TPT1: variants seen among roughly 807,000 people sequenced by gnomAD.
TPT1 encodes the protein tumor protein, translationally-controlled 1, also known as translationally-controlled tumor protein.
A neutral mutation model predicts 22.8 loss-of-function variants in TPT1; 5 were observed. That is an observed-to-expected ratio of 0.22 (90% CI 0.11 to 0.46). The LOEUF (loss-of-function observed/expected upper bound fraction) is 0.46. TPT1 is among the 20% of genes least tolerant of loss of function. The pLI is 0.99. For missense variants in TPT1, 130 were observed against 218.7 expected (o/e 0.59, Z 2.56); for synonymous variants, 89 against 73.6 (o/e 1.21, Z -1.07).
rs961569036 is a variant in TPT1, at chr13:45,336,363, A to T, written c.*1023T>A. Reference sequence around the variant, plus strand: ...AGCTGCCACAATTAGACAGACGGAAAGCGCAAGGACATGTTCTTCTTGCAT... The same window carrying T: ...AGCTGCCACAATTAGACAGACGGAATGCGCAAGGACATGTTCTTCTTGCAT... On this transcript the variant is annotated 3_prime_UTR_variant, in exon 6 of 6. Transcript: ENST00000530705. The T allele has an allele frequency of 1.3e-5, 2 of 152,244 alleles. No homozygotes were observed. The highest frequency in any genetic ancestry group is 2.4e-5 in the African/African-American group (1 of 41,454). The allele number at this position is 152,244 out of a possible 1,614,324, so 9.4% of individuals were successfully genotyped here. A position where few individuals can be genotyped will look rare whatever the true frequency, so the allele number is the denominator to read the frequency against.
chr13:45,337,734 T>C (rs1009010023), intron 5 of TPT1: 20 of 634,038 alleles, frequency 3.2e-5, no homozygotes, highest in Admixed American at 3.0e-4. Context: ...AGTCATCTTA[T>C]ACTGTTCTAA....
At chr13:45,338,562 C>A (rs541733428) in intron 5 of TPT1, 98 bp downstream of exon 5, 1 of 1,507,258 alleles carries the variant, frequency 6.6e-7, no homozygotes. Flanking sequence ...TGTTTCAGAA[C>A]GCTGTAAAAC....
chr13:45,340,442 T>C (rs1055217302), intron 2 of TPT1: 12 of 737,920 alleles, frequency 1.6e-5, no homozygotes, highest in African/African-American at 5.2e-5. Context: ...GGTTGGTAAG[T>C]GGGGACAGGA....
chr13:45,338,495 G>C, intron 5 of TPT1, 165 bp downstream of exon 5: 4 of 1,356,032 alleles, frequency 2.9e-6, no homozygotes, highest in Non-Finnish European at 3.9e-6. Flanking sequence ...TATACCCTAA[G>C]AATTTTTTAC....
At chr13:45,338,371 C>T (rs976303179) in intron 5 of TPT1, 15 of 421,874 alleles carry the variant, frequency 3.6e-5, no homozygotes, top group Middle Eastern at 6.3e-4. Context: ...GCACCCACCT[C>T]GGCGTCCCAA....
intron 5 of TPT1, chr13:45,338,125 C>G (rs764333915): frequency 6.2e-6 from 1 of 160,264 alleles, no homozygotes; most frequent in Non-Finnish European, 1.4e-5. Flanking sequence ...CATTTAAACT[C>G]TACTGTATTT....
Position 45,338,727 on chromosome 13 carries a change from T to G in TPT1, c.449A>C (p.Asp150Ala). 2 of 1,605,410 alleles carry G rather than the reference T, an allele frequency of 1.2e-6. No individual in the cohort carries two copies. Among genetic ancestry groups the G allele is most frequent in the Non-Finnish European group, 1.7e-6 (2 of 1,177,988 alleles). ...MNPDGMVALL[D>A]YREDGVTPYM... ...TGGGGTCACACCATCCTCACGGTAG[T>G]CCAATAGAGCAACCATGCCATCTGG... Residue 150 changes from aspartate (D) to alanine (A), a missense_variant, in exon 5 of 6, where the codon GAC becomes GCC. By Grantham distance (126) the Asp-to-Ala change is moderately radical. Coordinates refer to ENST00000530705, the MANE Select transcript of TPT1 (RefSeq NM_003295.4).
intron 4 of TPT1, chr13:45,339,261 G>C (rs1254089936): frequency 2.4e-6 from 1 of 418,934 alleles, no homozygotes; most frequent in Admixed American, 4.1e-5. Context: ...AAAATTGTAA[G>C]CAAAAAACTG....
In TPT1 at chr13:45,338,892, A is replaced by G. The variant is rs976485154; in HGVS notation, c.400-116T>C. The G allele has an allele frequency of 1.1e-5, 9 of 809,332 alleles. No homozygotes were observed. The African/African-American group carries it at 1.2e-4, about 11-fold the overall frequency. 50.1% of individuals were successfully genotyped at this position (809,332 alleles called of 1,614,324 possible). ...CCACCACAAAAATCAAAACTTCAGT[A>G]CCCAAAAGCTCTGATGCTCACTTAT... On this transcript the variant is annotated intron_variant, in intron 4 of 5. Coordinates refer to ENST00000530705, the MANE Select transcript of TPT1 (RefSeq NM_003295.4).
Position 45,338,771 on chromosome 13 carries a change from A to G in TPT1, c.405T>C (p.Phe135=), listed in dbSNP as rs749186190. The G allele has an allele frequency of 7.6e-6, 12 of 1,585,266 alleles. No individual in the cohort carries two copies. Among genetic ancestry groups the G allele is most frequent in the Admixed American group, 5.9e-5 (3 of 50,546 alleles). Residue 135 remains phenylalanine (F), a synonymous_variant, in exon 5 of 6, where the codon TTT becomes TTC. Coordinates refer to ENST00000530705, the MANE Select transcript of TPT1 (RefSeq NM_003295.4). ...ILANFKNYQF[F]IGENMNPDGM... is the part of the protein sequence containing the mutation. ...CATCTGGATTCATGTTTTCACCAAT[A>G]AAGAACTTGGGAAGCAAACAAAATA... is the stretch of plus-strand genomic sequence containing the variant.
In TPT1 at chr13:45,339,652, T is replaced by A. The variant is rs753358784; in HGVS notation, c.294-50A>T. ...TTGAAGTATTGAATTTTCAGTAAAA[T>A]CAATTTTTAAAGTAAAAAATATCCA... On this transcript the variant is annotated intron_variant, in intron 3 of 5. Coordinates refer to ENST00000530705, the MANE Select transcript of TPT1 (RefSeq NM_003295.4). 5 of 1,505,094 alleles carry A rather than the reference T, an allele frequency of 3.3e-6. No individual in the cohort carries two copies. The African/African-American group carries it at 4.2e-5, about 13-fold the overall frequency. 93.2% of individuals were successfully genotyped at this position (1,505,094 alleles called of 1,614,324 possible).
At position 45,336,823 on chromosome 13, in the gene TPT1, CA is replaced by C. The variant is rs1878733719; in HGVS notation, c.*562del. ...CAGGGAGTTTAATTAACATTCATCC[CA>C]AAAGACTTCGCTCTCTTTATGTGAA... is the stretch of plus-strand genomic sequence containing the variant. On this transcript the variant is annotated 3_prime_UTR_variant, in exon 6 of 6. Transcript: ENST00000530705. 6.5e-6 allele frequency: 1 copy of C among 153,738 alleles called. No homozygotes were observed. Among genetic ancestry groups the C allele is most frequent in the Non-Finnish European group, 1.4e-5 (1 of 69,250 alleles). 9.5% of individuals were successfully genotyped at this position (153,738 alleles called of 1,614,324 possible).
Position 45,337,287 on chromosome 13 carries a change from A to T in TPT1, c.*99T>A. On this transcript the variant is annotated 3_prime_UTR_variant, in exon 6 of 6. Coordinates refer to ENST00000530705, the MANE Select transcript of TPT1 (RefSeq NM_003295.4). ...CAAAATAAATGAAGAGCTCAAGATGACATCAGTCCCATTTGTCTTAAGTCC... is the reference window on the plus strand; with the variant it reads ...CAAAATAAATGAAGAGCTCAAGATGTCATCAGTCCCATTTGTCTTAAGTCC... 2 of 1,129,388 alleles carry T rather than the reference A, an allele frequency of 1.8e-6. No homozygotes were observed. Among genetic ancestry groups the T allele is most frequent in the Non-Finnish European group, 2.7e-6 (2 of 752,240 alleles). The allele number at this position is 1,129,388 out of a possible 1,614,324, so 70.0% of individuals were successfully genotyped here. A position where few individuals can be genotyped will look rare whatever the true frequency, so the allele number is the denominator to read the frequency against.
intron 2 of TPT1, 181 bp downstream of exon 2, chr13:45,340,531 G>A: frequency 1.2e-6 from 1 of 825,612 alleles, no homozygotes; most frequent in Non-Finnish European, 2.0e-6. Context: ...GGGCGCCGAG[G>A]CGGCGGGCCT....
intron 4 of TPT1, 83 bp from the exon 5 acceptor site, chr13:45,338,859 G>A (rs952170005): frequency 5.9e-6 from 7 of 1,177,790 alleles, no homozygotes; most frequent in Non-Finnish European, 7.1e-6. Context: ...TACAAGGGAA[G>A]GTTTAGACCA....
Position 45,340,194 on chromosome 13 carries a change from G to C in TPT1, c.103-10C>G, listed in dbSNP as rs1555278697. The C allele has an allele frequency of 1.2e-6, 2 of 1,602,868 alleles. No individual in the cohort carries two copies. The highest frequency in any genetic ancestry group is 8.5e-7 in the Non-Finnish European group (1 of 1,173,926). On this transcript the variant is annotated splice_polypyrimidine_tract_variant and intron_variant, in intron 2 of 5. Coordinates refer to ENST00000530705, the MANE Select transcript of TPT1 (RefSeq NM_003295.4). Reference sequence around the variant, plus strand: ...CTGTCCTACTGACCATCTGCATTAAGAAAAAGCAGTATAATTGCAAAAGAC... The same window carrying C: ...CTGTCCTACTGACCATCTGCATTAACAAAAAGCAGTATAATTGCAAAAGAC...
intron 4 of TPT1, chr13:45,338,977 G>C (rs1045798589): frequency 2.1e-6 from 1 of 477,024 alleles, no homozygotes; most frequent in South Asian, 3.9e-5. Flanking sequence ...GAAAAATAAC[G>C]TACAGAGCAA....
At chr13:45,339,888 G>C in intron 3 of TPT1, 106 bp downstream of exon 3, 1 of 1,281,374 alleles carries the variant, frequency 7.8e-7, no homozygotes, top group African/African-American at 1.5e-5. Flanking sequence ...AAAAAAGCAA[G>C]GACTTTCACA....
intron 3 of TPT1, 139 bp from the exon 4 acceptor site, chr13:45,339,741 G>C (rs1284114369): frequency 6.3e-6 from 5 of 791,274 alleles, no homozygotes; most frequent in Middle Eastern, 5.7e-4. Flanking sequence ...GTTCACAGAA[G>C]GTATCTTTCA....
Sources: allele counts gnomAD v4.1 joint callset, GRCh38; gene constraint gnomAD v4.1.1; transcripts MANE v1.5; gene names NCBI Gene and HGNC (gene_info 2026-07-23, HGNC 2026-07-21).